The following CKAP5 variants were observed in gnomAD, a reference collection of about 807,000 sequenced individuals.
The protein encoded by CKAP5 is cytoskeleton-associated protein 5.
CKAP5 carries 27 observed loss-of-function variants against 232.8 expected under a neutral mutation model. The observed-to-expected ratio is 0.12, with a 90% CI of 0.09 to 0.16. CKAP5 has a LOEUF of 0.16. Ranked by LOEUF, CKAP5 falls within the 10% of genes least tolerant of loss-of-function variation. The pLI is 1.00. For synonymous variants in CKAP5, 785 were observed against 841.1 expected (o/e 0.93, Z 1.16); for missense variants, 1,838 against 2,424.7 (o/e 0.76, Z 5.08).
At chr11:46,745,984 A>C (rs920576039) in intron 42 of CKAP5, among the ~76,000 whole-genome samples, 1 of 152,146 alleles carries the variant, frequency 6.6e-6, no homozygotes, top group African/African-American at 2.4e-5. Context: ...ACACTTGTAA[A>C]GTCTTGGAAA....
At chr11:46,751,558 T>G (rs1225635832) in intron 38 of CKAP5, 24 bp from the exon 39 acceptor site, 3 of 1,564,052 alleles carry the variant, frequency 1.9e-6, no homozygotes, top group East Asian at 4.5e-5. Flanking sequence ...AATAAAAGAG[T>G]TAGGAGTGAC....
chr11:46,798,272 T>A, intron 9 of CKAP5, 100 bp from the exon 10 acceptor site: 1 of 894,898 alleles, frequency 1.1e-6, no homozygotes, highest in South Asian at 1.5e-5. Flanking sequence ...GTATGCTAAG[T>A]TAAAAAAAAA....
chr11:46,786,001 T>TA (rs903162495), intron 16 of CKAP5, among the ~76,000 whole-genome samples: 3 of 150,110 alleles, frequency 2.0e-5, no homozygotes, highest in Non-Finnish European at 3.0e-5. Context: ...TTTAAAAAAT[T>TA]AAAAAAAAAA....
At chr11:46,774,584 A>C (rs142872173) in intron 24 of CKAP5, among the ~76,000 whole-genome samples, 1 of 152,214 alleles carries the variant, frequency 6.6e-6, no homozygotes, top group Non-Finnish European at 1.5e-5. Flanking sequence ...CCTGATTTCA[A>C]ATTATACTAC....
chr11:46,841,221 G>C (rs558204283), intron 1 of CKAP5, among the ~76,000 whole-genome samples: 132 of 151,198 alleles, frequency 8.7e-4, no homozygotes, highest in Non-Finnish European at 1.4e-3. Flanking sequence ...AGTCAGCCAA[G>C]ACTGCGCCAC....
At chr11:46,780,560 A>C (rs1592453108) in intron 18 of CKAP5, 75 bp from the exon 19 acceptor site, 1 of 1,203,820 alleles carries the variant, frequency 8.3e-7, no homozygotes, top group East Asian at 2.5e-5. Flanking sequence ...ATAAAGCCAG[A>C]CTCTAGGACT....
chr11:46,790,239 A>G, intron 14 of CKAP5, 53 bp from the exon 15 acceptor site: 1 of 1,265,768 alleles, frequency 7.9e-7, no homozygotes, highest in Non-Finnish European at 1.1e-6. Context: ...GGAACAGATG[A>G]CAAGAACGTA....
intron 36 of CKAP5, 94 bp downstream of exon 36, chr11:46,754,794 G>A: frequency 1.9e-6 from 2 of 1,031,752 alleles, no homozygotes; most frequent in Non-Finnish European, 2.9e-6. Context: ...AAGTGACACA[G>A]GACTCACTGC....
At chr11:46,780,345 T>A in intron 19 of CKAP5, 26 bp from the exon 20 acceptor site, 1 of 1,613,780 alleles carries the variant, frequency 6.2e-7, no homozygotes, top group Non-Finnish European at 8.5e-7. Context: ...AAAATAACTT[T>A]TTAAATCACA....
chr11:46,774,007 G>T (rs2065271005), intron 24 of CKAP5, among the ~76,000 whole-genome samples: 1 of 152,068 alleles, frequency 6.6e-6, no homozygotes. Flanking sequence ...ATATATTATT[G>T]GAAGTTCTAG....
At chr11:46,782,244 G>A (rs1592454120) in intron 18 of CKAP5, among the ~76,000 whole-genome samples, 1 of 152,132 alleles carries the variant, frequency 6.6e-6, no homozygotes, top group African/African-American at 2.4e-5. Flanking sequence ...CGTTCATGAT[G>A]TATTCTGAAG....
chr11:46,762,131 G>A lies in CKAP5; in HGVS notation c.4090C>T (p.Pro1364Ser). 6.2e-7 allele frequency: 1 copy of A among 1,614,088 alleles called. No homozygotes were observed. Among genetic ancestry groups the A allele is most frequent in the Non-Finnish European group, 8.5e-7 (1 of 1,180,000 alleles). The change falls in exon 32 of 44, where the codon CCA (proline) becomes TCA (serine). Residue 1364 changes from proline (P) to serine (S), a missense_variant. Physicochemically the swap from Pro to Ser is moderately conservative, Grantham distance 74 (BLOSUM62 -1). Around this residue, in one of 6 missense-constraint regions of CKAP5, gnomAD observed 579 missense variants for 843.2 expected, o/e 0.69. Transcript: ENST00000529230. ...GCTATTTCCTTTAAGGCTTTTCCTGGGGTTGGTTGGCAAACATTCATGCCA... is the reference window on the plus strand; with the variant it reads ...GCTATTTCCTTTAAGGCTTTTCCTGAGGTTGGTTGGCAAACATTCATGCCA... ...SYGMNVCQPTPGKALKEIAVH... is the reference protein window; with the variant it reads ...SYGMNVCQPTSGKALKEIAVH...
At chr11:46,821,112 A>G (rs924002415) in intron 2 of CKAP5, 63 bp downstream of exon 2, 10 of 1,119,662 alleles carry the variant, frequency 8.9e-6, no homozygotes, top group Non-Finnish European at 1.2e-5. Flanking sequence ...AAGTAAGATG[A>G]TAGTATAACT....
chr11:46,841,997 CAAAAAAAAA>C (rs3031699), intron 1 of CKAP5, among the ~76,000 whole-genome samples: 1 of 109,420 alleles, frequency 9.1e-6, no homozygotes, highest in African/African-American at 3.6e-5. Context: ...GACTTTGGTT[CAAAAAAAAA>C]AAAAAAAAAA....
chr11:46,761,877 A>G, intron 32 of CKAP5, 123 bp downstream of exon 32: 1 of 675,662 alleles, frequency 1.5e-6, no homozygotes, highest in Admixed American at 2.8e-5. Flanking sequence ...ACACATTGAT[A>G]GGTTGAGTTG....
chr11:46,755,443 G>A (rs892765966), intron 35 of CKAP5, among the ~76,000 whole-genome samples: 5 of 151,694 alleles, frequency 3.3e-5, no homozygotes, highest in African/African-American at 1.2e-4. Flanking sequence ...TCTTGACCTC[G>A]TGATCCACCC....
chr11:46,829,912 T>A (rs1939742336), intron 1 of CKAP5, among the ~76,000 whole-genome samples: 2 of 151,812 alleles, frequency 1.3e-5, no homozygotes, highest in South Asian at 4.2e-4. Flanking sequence ...CATATGCATT[T>A]GTGTAGGCTG....
chr11:46,809,456 G>A lies in CKAP5; in HGVS notation c.808C>T (p.Leu270Phe). The change falls in exon 7 of 44, where the codon CTT becomes TTT. Residue 270 changes from leucine to phenylalanine, a missense_variant. Transcript: ENST00000529230. ...DEVPQIDAYE[L>F]LEAVEILSKL... is the part of the protein sequence containing the mutation. ...GAAAGGATTTCTACAGCTTCTAAAAGCTCATAAGCATCTATTTGTGGCACC... is the reference window on the plus strand; with the variant it reads ...GAAAGGATTTCTACAGCTTCTAAAAACTCATAAGCATCTATTTGTGGCACC... 1.2e-6 allele frequency: 2 copies of A among 1,613,636 alleles called. No individual in the cohort carries two copies. The highest frequency in any genetic ancestry group is 2.2e-5 in the South Asian group (2 of 90,982).
chr11:46,791,884 GATAAA>G (rs998446573), intron 13 of CKAP5, among the ~76,000 whole-genome samples: 12 of 152,130 alleles, frequency 7.9e-5, no homozygotes, highest in African/African-American at 2.9e-4. Flanking sequence ...AAAAAGAAAA[GATAAA>G]ATGAAAGGGG....
Sources: gnomAD v4.1 joint callset for allele counts (sites outside exome capture counted in the v4.1 genomes callset) on GRCh38, gnomAD v4.1.1 for gene constraint, gnomAD v4.1.1 regional missense constraint, MANE v1.5 for transcripts, NCBI Gene and HGNC (gene_info 2026-07-23, HGNC 2026-07-21) for gene names.